Variants in NR3C2 observed in about 807,000 individuals in gnomAD.
The protein encoded by NR3C2 is mineralocorticoid receptor.
In NR3C2, 15 loss-of-function variants were observed where a neutral mutation model predicts 86.4. The observed-to-expected ratio is 0.17, with a 90% CI of 0.12 to 0.27. NR3C2 has a LOEUF of 0.27. NR3C2 is among the 10% of genes least tolerant of loss of function. The pLI is 1.00. For synonymous variants in NR3C2, 458 were observed against 450.5 expected, an observed-to-expected ratio of 1.02 and a Z score of -0.21; for missense variants, 960 against 1,195.6, an observed-to-expected ratio of 0.80 and a Z score of 2.91.
At chr4:148,106,183 A>C (rs923733660) in intron 8 of NR3C2, among the ~76,000 whole-genome samples, 3 of 152,238 alleles carry the variant, frequency 2.0e-5, no homozygotes, top group Non-Finnish European at 4.4e-5. Flanking sequence ...TATAAAATAA[A>C]TGTGCAAAAA....
Position 148,435,804 on chromosome 4 carries a change from TG to T in NR3C2, c.1056del (p.Ser353ValfsTer28). On this transcript the variant is annotated frameshift_variant, in exon 2 of 9. Coordinates refer to ENST00000358102, the MANE Select transcript of NR3C2 (RefSeq NM_000901.5). ...SYTASGTSAG[S>X]STLRDVVPSP... ...CTGGGAACCACATCCCGCAATGTACTGGATCCAGCAGAGGTGCCAGAAGCAG... is the reference window on the plus strand; with the variant it reads ...CTGGGAACCACATCCCGCAATGTACTGATCCAGCAGAGGTGCCAGAAGCAG... The T allele has an allele frequency of 6.2e-7, 1 of 1,614,170 alleles. No homozygotes were observed. Among genetic ancestry groups the T allele is most frequent in the East Asian group, 2.2e-5 (1 of 44,878 alleles).
intron 2 of NR3C2, among the ~76,000 whole-genome samples, chr4:148,323,184 G>A (rs959149978): frequency 7.2e-6 from 1 of 138,862 alleles, no homozygotes; most frequent in Admixed American, 7.7e-5. Flanking sequence ...TCCCAGTTAG[G>A]CTGCTCGGGG....
Position 148,205,572 on chromosome 4 carries a change from C to G in NR3C2, c.1898-10710G>C, listed in dbSNP as rs1736962575. 2.0e-5 allele frequency among the ~76,000 whole-genome samples: 3 copies of G among 152,096 alleles called. No individual in the cohort carries two copies. In the South Asian group the frequency reaches 6.2e-4, roughly 32 times the overall value. On this transcript the variant is annotated intron_variant, in intron 3 of 8. Coordinates refer to ENST00000358102, the MANE Select transcript of NR3C2 (RefSeq NM_000901.5). ...ATGTCTGCTTGCTCTTTTATTAATT[C>G]AACAAATAATTATCGGGTGGCTATT...
intron 3 of NR3C2, among the ~76,000 whole-genome samples, chr4:148,240,261 AAT>A (rs1169542838): frequency 1.4e-5 from 2 of 147,760 alleles, no homozygotes; most frequent in Non-Finnish European, 3.0e-5. Context: ...TTTATATATA[AAT>A]ATATATATTT....
At chr4:148,338,997 T>C (rs912892525) in intron 2 of NR3C2, among the ~76,000 whole-genome samples, 2 of 152,302 alleles carry the variant, frequency 1.3e-5, no homozygotes, top group East Asian at 3.9e-4. Context: ...GTCCTTTCAC[T>C]TGTGACTGAA....
intron 1 of NR3C2, 42 bp downstream of exon 1, chr4:148,442,117 GC>G (rs1750373627): frequency 6.6e-6 from 1 of 152,530 alleles, no homozygotes; most frequent in Non-Finnish European, 1.5e-5. Context: ...GCGGCCGCAC[GC>G]CGAGCACGGC....
At chr4:148,363,704 T>C (rs1430526650) in intron 2 of NR3C2, among the ~76,000 whole-genome samples, 6 of 151,926 alleles carry the variant, frequency 3.9e-5, no homozygotes, top group Non-Finnish European at 8.8e-5. Context: ...GGGGTTTAAC[T>C]GTGTTAGCCA....
At chr4:148,213,067 C>T (rs984744937) in intron 3 of NR3C2, among the ~76,000 whole-genome samples, 1 of 151,456 alleles carries the variant, frequency 6.6e-6, no homozygotes, top group African/African-American at 2.4e-5. Flanking sequence ...AAGAGGTCAT[C>T]TTTCATCTGA....
chr4:148,430,651 T>C (rs963335044), intron 2 of NR3C2, among the ~76,000 whole-genome samples: 2 of 152,154 alleles, frequency 1.3e-5, no homozygotes, highest in Non-Finnish European at 2.9e-5. Context: ...AATGGATTTA[T>C]GTATTAGAGT....
At chr4:148,253,790 T>C (rs1011877969) in intron 3 of NR3C2, among the ~76,000 whole-genome samples, 1 of 152,206 alleles carries the variant, frequency 6.6e-6, no homozygotes, top group Admixed American at 6.5e-5. Flanking sequence ...TTGTTATGCT[T>C]AATCTTTTCA....
chr4:148,415,445 C>T (rs1247546704), intron 2 of NR3C2, among the ~76,000 whole-genome samples: 2 of 152,174 alleles, frequency 1.3e-5, no homozygotes, highest in African/African-American at 2.4e-5. Flanking sequence ...ATCATGCTTG[C>T]TTTTCAGATT....
intron 2 of NR3C2, among the ~76,000 whole-genome samples, chr4:148,265,808 C>G (rs1318296639): frequency 6.6e-6 from 1 of 152,080 alleles, no homozygotes; most frequent in Non-Finnish European, 1.5e-5. Context: ...TCTGAACATG[C>G]TGGTGTGTTT....
chr4:148,150,260 G>A (rs1025132748), intron 6 of NR3C2, among the ~76,000 whole-genome samples: 2 of 152,168 alleles, frequency 1.3e-5, no homozygotes, highest in Non-Finnish European at 2.9e-5. Flanking sequence ...TTGGGGTAAT[G>A]GTCCTTACAA....
intron 3 of NR3C2, among the ~76,000 whole-genome samples, chr4:148,217,616 T>C (rs1488872795): frequency 6.6e-6 from 1 of 152,254 alleles, no homozygotes; most frequent in East Asian, 1.9e-4. Context: ...TTTGCTGACC[T>C]ATGCTGGTTT....
chr4:148,284,528 A>T (rs1456278743), intron 2 of NR3C2, among the ~76,000 whole-genome samples: 1 of 152,158 alleles, frequency 6.6e-6, no homozygotes, highest in East Asian at 1.9e-4. Context: ...TTCTTTTTTT[A>T]AAACACATCA....
chr4:148,083,455 C>T (rs1195114818), intron 8 of NR3C2, among the ~76,000 whole-genome samples: 1 of 152,174 alleles, frequency 6.6e-6, no homozygotes, highest in Non-Finnish European at 1.5e-5. Context: ...AGGGGCCTGA[C>T]TGGTAGAAGG....
chr4:148,155,536 C>A (rs1000902953), intron 4 of NR3C2, among the ~76,000 whole-genome samples: 2 of 152,008 alleles, frequency 1.3e-5, no homozygotes, highest in African/African-American at 4.8e-5. Flanking sequence ...GAATAAAATA[C>A]CTAGGAATCC....
chr4:148,348,762 A>C (rs1022128169), intron 2 of NR3C2, among the ~76,000 whole-genome samples: 31 of 152,124 alleles, frequency 2.0e-4, no homozygotes, highest in Non-Finnish European at 2.9e-5. Flanking sequence ...CTATTCTACC[A>C]CTTTCAGTAT....
chr4:148,367,335 C>T (rs1180396746), intron 2 of NR3C2, among the ~76,000 whole-genome samples: 2 of 152,090 alleles, frequency 1.3e-5, no homozygotes, highest in Non-Finnish European at 2.9e-5. Context: ...GATAATTGCT[C>T]TATCGGTCTA....
Sources: allele counts gnomAD v4.1 joint callset (sites outside exome capture counted in the v4.1 genomes callset), GRCh38; gene constraint gnomAD v4.1.1; transcripts MANE v1.5; gene names NCBI Gene and HGNC (gene_info 2026-07-23, HGNC 2026-07-21).